Variants in MTMR1 observed in about 807,000 individuals in gnomAD.
MTMR1 encodes the protein myotubularin related protein 1.
A neutral mutation model predicts 51.6 loss-of-function variants in MTMR1; 17 were observed. The observed-to-expected ratio is 0.33, with a 90% CI of 0.23 to 0.49. MTMR1 has a LOEUF of 0.49. Among genes scored for constraint, MTMR1 ranks in the 20% least tolerant of loss-of-function variants. The probability of loss-of-function intolerance (pLI) is 0.99; values close to 1 mark genes in which losing one functional copy is unlikely to be tolerated. For missense variants in MTMR1, 386 were observed against 526.9 expected (o/e 0.73, Z 2.62); for synonymous variants, 201 against 205.6 (o/e 0.98, Z 0.19).
At chrX:150,705,168 A>C (rs1279132793) in intron 2 of MTMR1, among the ~76,000 whole-genome samples, 1 of 112,399 alleles carries the variant, frequency 8.9e-6, no homozygotes, top group African/African-American at 3.2e-5. Context: ...AAAATTGAAC[A>C]ATAGGAATGA....
chrX:150,759,202 G>A (rs2148679020), intron 15 of MTMR1, among the ~76,000 whole-genome samples: 1 of 112,604 alleles, frequency 8.9e-6, no homozygotes, highest in South Asian at 3.7e-4. Context: ...GGGAACCAAA[G>A]CCTACATCCC....
At chrX:150,729,050 G>A (rs782027353) in intron 6 of MTMR1, among the ~76,000 whole-genome samples, 7 of 110,158 alleles carry the variant, frequency 6.4e-5, no homozygotes, top group Non-Finnish European at 1.3e-4. Context: ...TTCTCATGAC[G>A]CTTGAGTATC....
chrX:150,730,249 T>C (rs782699190), intron 7 of MTMR1, 39 bp downstream of exon 7: 118 of 956,792 alleles, frequency 1.2e-4, no homozygotes, highest in Non-Finnish European at 1.6e-4. Context: ...CATGCATTTG[T>C]GGGGGTCCAA....
intron 3 of MTMR1, 49 bp from the exon 4 acceptor site, chrX:150,718,576 T>G (rs782360096): frequency 4.2e-5 from 44 of 1,051,031 alleles, no homozygotes; most frequent in African/African-American, 3.7e-4. Context: ...TTACTCCCGT[T>G]TGGTGTCCTT....
rs781798818 is a variant in MTMR1, at chrX:150,708,485, T to TTA, written c.253-3846_253-3845dup. The stretch of plus-strand genomic sequence containing the variant: ...ACTGAAATATATAGTTATATTTCAG[T>TTA]TATATATATATAACTATTTAACAAC... On this transcript the variant is annotated intron_variant, in intron 2 of 15. Transcript: ENST00000445323. 3.0e-3 allele frequency among the ~76,000 whole-genome samples: 330 copies of TTA among 110,972 alleles called. 1 individual carries two copies. The highest frequency in any genetic ancestry group is 0.014 in the Middle Eastern group (3 of 215).
rs1313174977 is a variant in MTMR1 at position 150,693,724 on chromosome X, G to A, written c.146+48G>A. 4 of 736,362 alleles carry A rather than the reference G, an allele frequency of 5.4e-6. No individual in the cohort carries two copies. The East Asian group carries it at 6.3e-4, about 116-fold the overall frequency. The allele number at this position is 736,362 out of a possible 1,213,427, so 60.7% of individuals were successfully genotyped here. ...CGGCCTCCCGCGCCCCGACTCCCGAGGGCCCCGCGCGAGGCCAGCCCGCCC... is the reference window on the plus strand; with the variant it reads ...CGGCCTCCCGCGCCCCGACTCCCGAAGGCCCCGCGCGAGGCCAGCCCGCCC... On this transcript the variant is annotated intron_variant, in intron 1 of 15. Coordinates refer to ENST00000445323, the MANE Select transcript of MTMR1 (RefSeq NM_001306144.3).
rs187074283 is a variant in MTMR1, at chrX:150,729,901, C to G, written c.556-208C>G. ...GGTAGTGGTGGTGGGTGCCTGTAAT[C>G]CCAGCTACTCGGGAGGCTGAGGCAG... On this transcript the variant is annotated intron_variant, in intron 6 of 15. Coordinates refer to ENST00000445323, the MANE Select transcript of MTMR1 (RefSeq NM_001306144.3). Among the ~76,000 whole-genome samples, 1,016 of 111,286 alleles carry G rather than the reference C, an allele frequency of 9.1e-3. 15 individuals are homozygous for G. The highest frequency in any genetic ancestry group is 0.031 in the African/African-American group (945 of 30,558).
chrX:150,751,225 A>G, intron 14 of MTMR1: 1 of 791,148 alleles, frequency 1.3e-6, no homozygotes, highest in Non-Finnish European at 1.5e-6. Flanking sequence ...CTGATTAGCC[A>G]AAAAGCCCAC....
At chrX:150,722,316 A>G (rs2041777401) in intron 4 of MTMR1, among the ~76,000 whole-genome samples, 1 of 111,850 alleles carries the variant, frequency 8.9e-6, no homozygotes, top group East Asian at 2.8e-4. Context: ...GTAGAGAGAG[A>G]GGTTTTGAAA....
At chrX:150,737,477 G>A (rs1557417215) in intron 12 of MTMR1, 29 bp downstream of exon 12, 8 of 1,165,743 alleles carry the variant, frequency 6.9e-6, no homozygotes, top group Non-Finnish European at 9.4e-6. Flanking sequence ...GTTTATGCTG[G>A]ACTGTTTTGC....
In MTMR1 at chrX:150,693,452, G is replaced by T; in HGVS notation, c.-79G>T. The T allele has an allele frequency of 1.3e-6, 1 of 757,967 alleles. No individual in the cohort carries two copies. Among genetic ancestry groups the T allele is most frequent in the Non-Finnish European group, 1.6e-6 (1 of 641,766 alleles). The allele number at this position is 757,967 out of a possible 1,213,427, so 62.5% of individuals were successfully genotyped here. On this transcript the variant is annotated 5_prime_UTR_variant, in exon 1 of 16. Coordinates refer to ENST00000445323, the MANE Select transcript of MTMR1 (RefSeq NM_001306144.3). Reference sequence around the variant, plus strand: ...GCGGGCGGTATAGAGCGGGCGGCAGGAGGCAAGCAGCGAAACCTTCCCGGC... The same window carrying T: ...GCGGGCGGTATAGAGCGGGCGGCAGTAGGCAAGCAGCGAAACCTTCCCGGC...
intron 12 of MTMR1, among the ~76,000 whole-genome samples, chrX:150,741,266 C>T (rs1557417311): frequency 9.0e-6 from 1 of 111,607 alleles, no homozygotes; most frequent in Non-Finnish European, 1.9e-5. Flanking sequence ...TCCAGCCTCA[C>T]CTCTCATCTT....
chrX:150,718,608 T>TCCAGGCTCTAAGGGA lies in MTMR1; in HGVS notation c.277-17_277-16insCCAGGCTCTAAGGGA. On this transcript the variant is annotated splice_polypyrimidine_tract_variant and intron_variant, in intron 3 of 15. Transcript: ENST00000445323. ...CCTTTTTTTTTTTTTTTTTTTTTTTTTTTTTTTTTTTGCCAGGCTCTAAGG... is the reference window on the plus strand; with the variant it reads ...CCTTTTTTTTTTTTTTTTTTTTTTTTCCAGGCTCTAAGGGATTTTTTTTTTTGCCAGGCTCTAAGG... 1 of 777,106 alleles carries TCCAGGCTCTAAGGGA rather than the reference T, an allele frequency of 1.3e-6. No individual in the cohort carries two copies. The highest frequency in any genetic ancestry group is 1.7e-6 in the Non-Finnish European group (1 of 596,804). 64.0% of individuals were successfully genotyped at this position (777,106 alleles called of 1,213,427 possible). A position where few individuals can be genotyped will look rare whatever the true frequency, so the allele number is the denominator to read the frequency against.
At chrX:150,703,888 T>TA (rs58516482) in intron 2 of MTMR1, among the ~76,000 whole-genome samples, 2 of 111,231 alleles carry the variant, frequency 1.8e-5, no homozygotes, top group Non-Finnish European at 3.8e-5. Flanking sequence ...TAAATTTTTT[T>TA]AAAAACCATA....
At chrX:150,718,349 C>T (rs2041616107) in intron 3 of MTMR1, among the ~76,000 whole-genome samples, 1 of 112,017 alleles carries the variant, frequency 8.9e-6, no homozygotes, top group Non-Finnish European at 1.9e-5. Context: ...ATTACAGTAT[C>T]TTTCTGTCAT....
intron 14 of MTMR1, among the ~76,000 whole-genome samples, 193 bp from the exon 15 acceptor site, chrX:150,755,496 C>G (rs2042879662): frequency 8.9e-6 from 1 of 111,748 alleles, no homozygotes; most frequent in Non-Finnish European, 1.9e-5. Flanking sequence ...TCCAGGACAG[C>G]AAGCAGTGTG....
chrX:150,737,109 A>G (rs1379834143), intron 11 of MTMR1, 133 bp from the exon 12 acceptor site: 1 of 541,730 alleles, frequency 1.8e-6, no homozygotes, highest in Non-Finnish European at 2.9e-6. Flanking sequence ...AGTGATTCTC[A>G]GCTGATTGCC....
chrX:150,737,276 A>G lies in MTMR1; in HGVS notation c.1301A>G (p.Lys434Arg). ...LLAGAVRIAD[K>R]IESGKTSVVV... ...GCTGGGGCAGTAAGAATTGCTGATA[A>G]AATAGAATCTGGGAAAACATCTGTG... Residue 434 changes from lysine to arginine, a missense_variant, in exon 12 of 16, where the codon AAA (lysine) becomes AGA (arginine). Physicochemically the swap from Lys to Arg is conservative, Grantham distance 26 (BLOSUM62 2). Transcript: ENST00000445323. The G allele has an allele frequency of 6.6e-6, 8 of 1,211,882 alleles. No individual in the cohort carries two copies. Among genetic ancestry groups the G allele is most frequent in the Non-Finnish European group, 8.9e-6 (8 of 895,537 alleles).
Position 150,722,622 on chromosome X carries a change from G to A in MTMR1, c.352+3922G>A, listed in dbSNP as rs565874453. ...AACTATTTGTGTCTTTATATTTAAG[G>A]TGAGTTTCTTTTAGGCCACATATAG... On this transcript the variant is annotated intron_variant, in intron 4 of 15. Coordinates refer to ENST00000445323, the MANE Select transcript of MTMR1 (RefSeq NM_001306144.3). 1.1e-4 allele frequency among the ~76,000 whole-genome samples: 12 copies of A among 110,582 alleles called. No homozygotes were observed. In the South Asian group the frequency reaches 4.5e-3, roughly 42 times the overall value.
Sources: allele counts gnomAD v4.1 joint callset (sites outside exome capture counted in the v4.1 genomes callset), GRCh38; gene constraint gnomAD v4.1.1; transcripts MANE v1.5; gene names NCBI Gene and HGNC (gene_info 2026-07-23, HGNC 2026-07-21).